AGAP2: variants seen among roughly 807,000 people sequenced by gnomAD.
The protein encoded by AGAP2 is arf-GAP with GTPase, ANK repeat and PH domain-containing protein 2.
In AGAP2, 32 loss-of-function variants were observed where a neutral mutation model predicts 110.9. The observed-to-expected ratio is 0.29, with a 90% CI of 0.22 to 0.39. The LOEUF is 0.39. Ranked by LOEUF, AGAP2 falls within the 10% of genes least tolerant of loss-of-function variation. AGAP2 has a pLI of 1.00. For synonymous variants in AGAP2, 702 were observed against 713.0 expected, an observed-to-expected ratio of 0.98 and a Z score of 0.25; for missense variants, 1,285 against 1,638.5, an observed-to-expected ratio of 0.78 and a Z score of 3.72.
chr12:57,741,878 A>C, upstream of AGAP2: 1 of 1,601,262 alleles, frequency 6.2e-7, no homozygotes, highest in Non-Finnish European at 8.5e-7. Flanking sequence ...CTAGTCCCTG[A>C]TACACCCAAG....
rs1409532832 is a variant in AGAP2 at position 57,737,200 on chromosome 12, G to C, written c.1047C>G (p.Ser349Arg). 6.2e-7 allele frequency: 1 copy of C among 1,600,894 alleles called. No individual in the cohort carries two copies. Among genetic ancestry groups the C allele is most frequent in the African/African-American group, 1.3e-5 (1 of 74,784 alleles). The change falls in exon 1 of 19, where the codon AGC (serine) becomes AGG (arginine). Residue 349 changes from serine to arginine, a missense_variant. Physicochemically the swap from Ser to Arg is moderately radical, Grantham distance 110. Transcript: ENST00000547588. The surrounding 1 kb of genome is among the most constrained non-coding windows in gnomAD (Gnocchi z 5.9). ...CTCCTGTGCTCTTGGTGAAGATGCC[G>C]CTGATAAACTTGAGCATCTTGCGGT... Reference protein sequence around the residue: ...TRDRKMLKFISGIFTKSTGGP... With the variant: ...TRDRKMLKFIRGIFTKSTGGP...
intron 13 of AGAP2, among the ~76,000 whole-genome samples, chr12:57,728,619 G>A (rs2140354883): frequency 6.6e-6 from 1 of 152,292 alleles, no homozygotes; most frequent in East Asian, 1.9e-4. Context: ...ACCTGGGTCT[G>A]AGCACCCGGC....
chr12:57,727,554 G>A lies in AGAP2; in HGVS notation c.2886C>T (p.Gly962=). The stretch of plus-strand genomic sequence containing the variant: ...CAGAACACTCGATGCAGATGAGGGC[G>A]CCCAGGTTCAAGCTGGCCCACGTGG... ...PNPTWASLNL[G]ALICIECSGI... Residue 962 remains glycine (G), a synonymous_variant, in exon 17 of 19, where the codon GGC becomes GGT. Coordinates refer to ENST00000547588, the MANE Select transcript of AGAP2 (RefSeq NM_001122772.3). 1 of 1,609,580 alleles carries A rather than the reference G, an allele frequency of 6.2e-7. No homozygotes were observed.
chr12:57,733,328 TG>T (rs2140361389), intron 5 of AGAP2, among the ~76,000 whole-genome samples: 1 of 152,182 alleles, frequency 6.6e-6, no homozygotes, highest in South Asian at 2.1e-4. Flanking sequence ...AACCCTGAAC[TG>T]GTGGGAGGAC....
chr12:57,728,771 G>A (rs1954824385), intron 13 of AGAP2, among the ~76,000 whole-genome samples: 1 of 152,190 alleles, frequency 6.6e-6, no homozygotes, highest in Non-Finnish European at 1.5e-5. Context: ...GAGGGCCCTG[G>A]GGCTGGTGGC....
Position 57,726,582 on chromosome 12 carries a change from G to T in AGAP2, c.3549C>A (p.Gly1183=), listed in dbSNP as rs1954766652. 1 of 1,205,884 alleles carries T rather than the reference G, an allele frequency of 8.3e-7. No individual in the cohort carries two copies. The highest frequency in any genetic ancestry group is 1.6e-5 in the African/African-American group (1 of 63,354). The allele number at this position is 1,205,884 out of a possible 1,614,324, so 74.7% of individuals were successfully genotyped here. A position where few individuals can be genotyped will look rare whatever the true frequency, so the allele number is the denominator to read the frequency against. Reference sequence around the variant, plus strand: ...CCAGCGCAACCGGGGCGTCGGCGCGGCCCACGCTAGCGGCGCTGCTCCGGC... The same window carrying T: ...CCAGCGCAACCGGGGCGTCGGCGCGTCCCACGCTAGCGGCGCTGCTCCGGC... The part of the protein sequence containing the change: ...PRRRSSAASV[G]RADAPVALV The change falls in exon 19 of 19, where the codon GGC becomes GGA. Residue 1183 remains glycine (G), a synonymous_variant. Coordinates refer to ENST00000547588, the MANE Select transcript of AGAP2 (RefSeq NM_001122772.3). The surrounding 1 kb of genome is among the most constrained non-coding windows in gnomAD (Gnocchi z 5.7).
At chr12:57,730,680 CTT>C (rs1954868223) in intron 11 of AGAP2, 66 bp from the exon 12 acceptor site, 2 of 1,605,412 alleles carry the variant, frequency 1.2e-6, no homozygotes, top group African/African-American at 1.3e-5. Context: ...TGTGGTCCCT[CTT>C]TATCACCCAG....
chr12:57,731,278 T>G, intron 10 of AGAP2, 88 bp downstream of exon 10: 1 of 1,127,796 alleles, frequency 8.9e-7, no homozygotes, highest in Non-Finnish European at 1.3e-6. Context: ...TTCCTAGAAA[T>G]GAGGTTAGTG....
chr12:57,729,580 G>C (rs1954844049), intron 13 of AGAP2, 59 bp downstream of exon 13: 2 of 1,577,990 alleles, frequency 1.3e-6, no homozygotes, highest in African/African-American at 2.7e-5. Flanking sequence ...TTAGGCCAGG[G>C]AGCTGATGTT....
At chr12:57,727,836 C>A in intron 15 of AGAP2, 65 bp from the exon 16 acceptor site, 1 of 1,583,510 alleles carries the variant, frequency 6.3e-7, no homozygotes, top group Non-Finnish European at 8.6e-7. Flanking sequence ...TCAGACACCT[C>A]TGCTCTCCTC....
rs754172447 is a variant in AGAP2 at position 57,730,548 on chromosome 12, G to A, written c.2375C>T (p.Thr792Ile). ...GTCTGGCTTCAGCAGGTGTTTGGAT[G>A]TCTGATCTGGTGGTGGCTGCAGGGA... ...PSSLQPPPDQ[T>I]SKHLLKPDRN... Residue 792 changes from threonine to isoleucine, a missense_variant, in exon 12 of 19, where the codon ACA becomes ATA. Physicochemically the swap from Thr to Ile is moderately conservative, Grantham distance 89 (BLOSUM62 -1). Transcript: ENST00000547588. The A allele has an allele frequency of 4.3e-6, 7 of 1,614,094 alleles. No homozygotes were observed. The South Asian group carries it at 4.4e-5, about 10-fold the overall frequency.
intron 14 of AGAP2, 39 bp downstream of exon 14, chr12:57,728,279 A>C (rs770245321): frequency 6.2e-7 from 1 of 1,607,144 alleles, no homozygotes; most frequent in Admixed American, 1.7e-5. Flanking sequence ...ACCCTTCTGC[A>C]CCCCAGCTGA....
chr12:57,732,819 C>G (rs1439553616), intron 6 of AGAP2, 26 bp downstream of exon 6: 67 of 1,613,430 alleles, frequency 4.2e-5, no homozygotes, highest in Non-Finnish European at 5.4e-5. Context: ...TGGCTTCCCA[C>G]ATATGCTGGA....
intron 6 of AGAP2, 131 bp from the exon 7 acceptor site, chr12:57,732,643 C>T: frequency 7.7e-7 from 1 of 1,291,872 alleles, no homozygotes; most frequent in South Asian, 1.4e-5. Context: ...CTCCATGCCA[C>T]CTGTGGCCTT....
At position 57,730,932 on chromosome 12, in the gene AGAP2, C is replaced by A; in HGVS notation, c.2167G>T (p.Gly723Cys). 2.9e-5 allele frequency: 46 copies of A among 1,566,768 alleles called. No individual in the cohort carries two copies. The highest frequency in any genetic ancestry group is 4.0e-5 in the Non-Finnish European group (46 of 1,157,222). The change falls in exon 11 of 19, where the codon GGC (glycine) becomes TGC (cysteine). Residue 723 changes from glycine (G) to cysteine (C), a missense_variant. By Grantham distance (159) the Gly-to-Cys change is radical. Coordinates refer to ENST00000547588, the MANE Select transcript of AGAP2 (RefSeq NM_001122772.3). ...GTTCGCAGCAAGTCCATCTCCTTGC[C>A]GTGGGTACTGTGGATGTAATCCTGG... is the stretch of plus-strand genomic sequence containing the variant. ...SINDYIHSTH[G>C]KEMDLLRTTV...
intron 12 of AGAP2, 93 bp downstream of exon 12, chr12:57,730,402 A>G (rs1954862343): frequency 1.3e-6 from 2 of 1,528,744 alleles, no homozygotes; most frequent in South Asian, 2.3e-5. Flanking sequence ...TCATGCATTT[A>G]TTCCAGCCTC....
chr12:57,734,445 C>G (rs1286538689), intron 3 of AGAP2, 41 bp from the exon 4 acceptor site: 7 of 1,609,552 alleles, frequency 4.3e-6, no homozygotes, highest in Non-Finnish European at 6.0e-6. Flanking sequence ...TCAGAGGTGA[C>G]AGGTCACCAA....
At chr12:57,727,834 C>T (rs752393391) in intron 15 of AGAP2, 63 bp from the exon 16 acceptor site, 1 of 1,582,294 alleles carries the variant, frequency 6.3e-7, no homozygotes, top group East Asian at 2.3e-5. Context: ...TCTCAGACAC[C>T]TCTGCTCTCC....
At chr12:57,731,328 C>A in intron 10 of AGAP2, 38 bp downstream of exon 10, 1 of 1,548,750 alleles carries the variant, frequency 6.5e-7, no homozygotes, top group East Asian at 2.2e-5. Flanking sequence ...TGAGGGAAAT[C>A]CAAAGCTGGC....
Sources: allele counts gnomAD v4.1 joint callset (sites outside exome capture counted in the v4.1 genomes callset), GRCh38; gene constraint gnomAD v4.1.1; non-coding constraint Gnocchi (gnomAD v3.1); transcripts MANE v1.5; gene names NCBI Gene and HGNC (gene_info 2026-07-23, HGNC 2026-07-21).